CCDC92: variants seen among roughly 807,000 people sequenced by gnomAD.
CCDC92 encodes the protein coiled-coil domain containing 92.
Under a neutral mutation model 24.9 loss-of-function variants are expected in CCDC92, and 12 were observed. The ratio of observed to expected loss-of-function variants is 0.48; its 90% CI spans 0.31 to 0.78. CCDC92 has a LOEUF of 0.78. Among genes scored for constraint, CCDC92 ranks in the 30% least tolerant of loss-of-function variants. CCDC92 has a pLI of 0.05. For synonymous variants in CCDC92, 193 were observed against 196.3 expected, an observed-to-expected ratio of 0.98 and a Z score of 0.14; for missense variants, 399 against 439.4, an observed-to-expected ratio of 0.91 and a Z score of 0.82.
intron 1 of CCDC92, among the ~76,000 whole-genome samples, chr12:123,968,754 C>T (rs1956451261): frequency 1.3e-5 from 2 of 152,180 alleles, no homozygotes; most frequent in Non-Finnish European, 2.9e-5. Context: ...ATGAGACAAA[C>T]TCATCTGCTA....
rs1254245039 is a variant in CCDC92, at chr12:123,937,681, C to T, written c.373G>A (p.Glu125Lys). ...TCCTCCAGGTACTTCTTCTCTCGCT[C>T]CTTGATGGTGTTCTCCAGCACTGTG... is the stretch of plus-strand genomic sequence containing the variant. ...MITVLENTIK[E>K]REKKYLEELK... is the part of the protein sequence containing the mutation. The change falls in exon 5 of 5, where the codon GAG becomes AAG. Residue 125 changes from glutamate to lysine, a missense_variant. Glu to Lys is a moderately conservative substitution (Grantham distance 56). Transcript: ENST00000238156. This position sits in a 1 kb window ranked among gnomAD's most constrained non-coding sequence, Gnocchi z 8.4. 6.2e-7 allele frequency: 1 copy of T among 1,614,108 alleles called. No homozygotes were observed. Among genetic ancestry groups the T allele is most frequent in the Non-Finnish European group, 8.5e-7 (1 of 1,180,038 alleles).
Position 123,972,687 on chromosome 12 carries a change from G to A in CCDC92, c.-218C>T, listed in dbSNP as rs1178411122. The A allele has an allele frequency of 6.8e-6, 1 of 147,234 alleles. No homozygotes were observed. Among genetic ancestry groups the A allele is most frequent in the East Asian group, 2.0e-4 (1 of 5,014 alleles). 9.1% of individuals were successfully genotyped at this position (147,234 alleles called of 1,614,324 possible). A position where few individuals can be genotyped will look rare whatever the true frequency, so the allele number is the denominator to read the frequency against. On this transcript the variant is annotated 5_prime_UTR_variant, in exon 1 of 5. Coordinates refer to ENST00000238156, the MANE Select transcript of CCDC92 (RefSeq NM_025140.3). The stretch of plus-strand genomic sequence containing the variant: ...TGCCCGGGCCGGGCCGCCGAGGGAG[G>A]TCAGTGGGCACCGCCCGCCCGGCGC...
intron 4 of CCDC92, 82 bp downstream of exon 4, chr12:123,942,662 A>T (rs547484074): frequency 2.0e-4 from 204 of 1,029,218 alleles, no homozygotes; most frequent in South Asian, 1.9e-3. Flanking sequence ...TTTTCTCCTA[A>T]GTGTGTGACT....
At chr12:123,957,874 T>C (rs1457353116) in intron 1 of CCDC92, among the ~76,000 whole-genome samples, 1 of 151,336 alleles carries the variant, frequency 6.6e-6, no homozygotes, top group Non-Finnish European at 1.5e-5. Flanking sequence ...ACCTGGCTAA[T>C]TTTTGTATTT....
At chr12:123,970,684 A>T (rs1956505953) in intron 1 of CCDC92, among the ~76,000 whole-genome samples, 1 of 152,270 alleles carries the variant, frequency 6.6e-6, no homozygotes, top group Admixed American at 6.5e-5. Context: ...GAATTCAGTA[A>T]ATTCAGTAGA....
chr12:123,971,234 G>A (rs977966920), intron 1 of CCDC92, among the ~76,000 whole-genome samples: 3 of 152,054 alleles, frequency 2.0e-5, no homozygotes, highest in Non-Finnish European at 2.9e-5. Flanking sequence ...GGATATGTAC[G>A]CATACCCGTA....
rs756466263 is a variant in CCDC92, at chr12:123,937,434, T to C, written c.620A>G (p.Lys207Arg). Residue 207 changes from lysine (K) to arginine (R), a missense_variant, in exon 5 of 5, where the codon AAA becomes AGA. Coordinates refer to ENST00000238156, the MANE Select transcript of CCDC92 (RefSeq NM_025140.3). The surrounding 1 kb of genome is among the most constrained non-coding windows in gnomAD (Gnocchi z 8.4). Reference protein sequence around the residue: ...KLPETPRRRMKKSLSAPLHPE... With the variant: ...KLPETPRRRMRKSLSAPLHPE... ...GTGCAAGGGGGCTGAGAGGCTCTTT[T>C]TCATGCGGCGGCGAGGCGTTTCGGG... 56 of 1,613,632 alleles carry C rather than the reference T, an allele frequency of 3.5e-5. No individual in the cohort carries two copies. Among genetic ancestry groups the C allele is most frequent in the Non-Finnish European group, 4.5e-5 (53 of 1,180,002 alleles).
intron 1 of CCDC92, among the ~76,000 whole-genome samples, chr12:123,957,849 G>A (rs929743813): frequency 2.0e-5 from 3 of 151,064 alleles, no homozygotes; most frequent in Non-Finnish European, 4.4e-5. Context: ...TGGGATTACA[G>A]GCATGCACCA....
chr12:123,963,491 G>A (rs1238197358), intron 1 of CCDC92, among the ~76,000 whole-genome samples: 1 of 152,184 alleles, frequency 6.6e-6, no homozygotes, highest in African/African-American at 2.4e-5. Flanking sequence ...TACTTAACCT[G>A]TTTAGCTAAA....
At chr12:123,942,106 G>A (rs765672534) in intron 4 of CCDC92, among the ~76,000 whole-genome samples, 11 of 152,196 alleles carry the variant, frequency 7.2e-5, no homozygotes, top group Non-Finnish European at 1.6e-4. Flanking sequence ...CCTGTTTTAG[G>A]GAGCAGGCTC....
chr12:123,937,343 C>T lies in CCDC92; in HGVS notation c.711G>A (p.Val237=), dbSNP rs1955541970. ...ESRKLLLREP[V]DAMPDPTPFL... ...ATGGGGTGGGGTCGGGCATAGCATC[C>T]ACTGGTTCCCGCAAAAGGAGTTTCC... is the stretch of plus-strand genomic sequence containing the variant. The change falls in exon 5 of 5, where the codon GTG becomes GTA. Residue 237 remains valine (V), a synonymous_variant. Transcript: ENST00000238156. The surrounding 1 kb of genome is among the most constrained non-coding windows in gnomAD (Gnocchi z 8.4). 9 of 1,614,010 alleles carry T rather than the reference C, an allele frequency of 5.6e-6. No individual in the cohort carries two copies. Among genetic ancestry groups the T allele is most frequent in the Non-Finnish European group, 7.6e-6 (9 of 1,180,028 alleles).
intron 4 of CCDC92, among the ~76,000 whole-genome samples, chr12:123,942,364 A>G (rs1043237106): frequency 2.2e-4 from 33 of 152,246 alleles, no homozygotes; most frequent in African/African-American, 7.7e-4. Context: ...AGCGACACGG[A>G]GGAGCGGGGG....
In CCDC92 at chr12:123,948,925, G is replaced by A. The variant is rs1955952511; in HGVS notation, c.-59-4561C>T. On this transcript the variant is annotated intron_variant, in intron 1 of 4. Transcript: ENST00000238156. ...GAGGTAATCATTGTGATGATGTCAT[G>A]CTCCCAGTACTGTGACATGACTGAA... 2.0e-5 allele frequency among the ~76,000 whole-genome samples: 3 copies of A among 152,282 alleles called. No homozygotes were observed. In the South Asian group the frequency reaches 6.2e-4, roughly 32 times the overall value.
intron 1 of CCDC92, among the ~76,000 whole-genome samples, chr12:123,959,485 A>G (rs750808187): frequency 1.3e-5 from 2 of 152,120 alleles, no homozygotes; most frequent in Non-Finnish European, 2.9e-5. Context: ...TTGTATTTTT[A>G]GTAGAGACAA....
In CCDC92 at chr12:123,942,794, G is replaced by A. The variant is rs757533413; in HGVS notation, c.182-9C>T. 3 of 1,601,764 alleles carry A rather than the reference G, an allele frequency of 1.9e-6. No homozygotes were observed. The highest frequency in any genetic ancestry group is 3.3e-5 in the Admixed American group (2 of 60,000). On this transcript the variant is annotated splice_polypyrimidine_tract_variant and intron_variant, in intron 3 of 4. Coordinates refer to ENST00000238156, the MANE Select transcript of CCDC92 (RefSeq NM_025140.3). The stretch of plus-strand genomic sequence containing the variant: ...CAGCTCATATGTTAAATCTAAAAGG[G>A]AAATGTTACACATTAATTCTTTTAC...
chr12:123,947,323 C>A (rs1002120225), intron 1 of CCDC92, among the ~76,000 whole-genome samples: 1 of 152,164 alleles, frequency 6.6e-6, no homozygotes. Context: ...TCCCATCGAC[C>A]ACCCAAGGGC....
At chr12:123,950,284 C>T (rs1210240165) in intron 1 of CCDC92, among the ~76,000 whole-genome samples, 1 of 152,166 alleles carries the variant, frequency 6.6e-6, no homozygotes, top group Non-Finnish European at 1.5e-5. Context: ...AGCCTTTTGG[C>T]CCGGAAGGGA....
In CCDC92 at chr12:123,944,266, C is replaced by A. The variant is rs747708889; in HGVS notation, c.34+6G>T. 2 of 1,584,146 alleles carry A rather than the reference C, an allele frequency of 1.3e-6. No homozygotes were observed. The highest frequency in any genetic ancestry group is 1.7e-5 in the Admixed American group (1 of 57,506). On this transcript the variant is annotated splice_donor_region_variant and intron_variant, in intron 2 of 4. Transcript: ENST00000238156. The stretch of plus-strand genomic sequence containing the variant: ...TCTGATGCTCACTCAGGGCCCCAGA[C>A]TCTACCTTCATCGTAACTCGAGAAA...
In CCDC92 at chr12:123,943,498, G is replaced by A; in HGVS notation, c.35-5C>T. ...CCATGCTGACATCCAGAGGACCTGT[G>A]GGTAACACAGACCCTGGCTGCGGTG... On this transcript the variant is annotated splice_region_variant and splice_polypyrimidine_tract_variant and intron_variant, in intron 2 of 4. Coordinates refer to ENST00000238156, the MANE Select transcript of CCDC92 (RefSeq NM_025140.3). 6.2e-7 allele frequency: 1 copy of A among 1,614,028 alleles called. No individual in the cohort carries two copies. The highest frequency in any genetic ancestry group is 1.1e-5 in the South Asian group (1 of 91,086).
Sources: gnomAD v4.1 joint callset for allele counts (sites outside exome capture counted in the v4.1 genomes callset) on GRCh38, gnomAD v4.1.1 for gene constraint, Gnocchi (gnomAD v3.1) non-coding constraint, MANE v1.5 for transcripts, NCBI Gene and HGNC (gene_info 2026-07-23, HGNC 2026-07-21) for gene names.